The following PKHD1 variants were observed in gnomAD, a reference collection of about 807,000 sequenced individuals.
PKHD1 encodes fibrocystin.
A neutral mutation model predicts 412.0 loss-of-function variants in PKHD1; 291 were observed. The observed-to-expected ratio is 0.71, with a 90% CI of 0.64 to 0.78. The LOEUF (loss-of-function observed/expected upper bound fraction) is 0.78, where lower values mean the gene tolerates loss of function less well. Among genes scored for constraint, PKHD1 ranks in the 30% least tolerant of loss-of-function variants. The pLI, the probability that PKHD1 is intolerant of heterozygous loss-of-function variation, is 0.00. For synonymous variants in PKHD1, 1,777 were observed against 1,821.5 expected, an observed-to-expected ratio of 0.98 and a Z score of 0.62; for missense variants, 4,825 against 4,950.7, an observed-to-expected ratio of 0.97 and a Z score of 0.76.
chr6:51,744,670 A>C (rs1784973547), intron 59 of PKHD1, 128 bp from the exon 60 acceptor site: 2 of 716,958 alleles, frequency 2.8e-6, no homozygotes, highest in African/African-American at 1.8e-5. Flanking sequence ...TGTGTTACAT[A>C]GATATAAAAT....
chr6:51,734,670 C>T (rs894769057), intron 60 of PKHD1, among the ~76,000 whole-genome samples: 5 of 151,650 alleles, frequency 3.3e-5, no homozygotes, highest in East Asian at 1.9e-4. Context: ...ATCAAAAATC[C>T]GCTGATCAGA....
At chr6:51,688,946 C>A (rs900706789) in intron 60 of PKHD1, among the ~76,000 whole-genome samples, 7 of 152,172 alleles carry the variant, frequency 4.6e-5, no homozygotes, top group African/African-American at 1.7e-4. Flanking sequence ...AACATTTCTA[C>A]TGAAACAATT....
intron 37 of PKHD1, among the ~76,000 whole-genome samples, chr6:51,914,442 T>C (rs956106087): frequency 1.3e-5 from 2 of 152,132 alleles, no homozygotes; most frequent in Non-Finnish European, 2.9e-5. Context: ...TAATGAGTGT[T>C]GGCCTCATAT....
chr6:51,832,736 G>T (rs940628164), intron 51 of PKHD1, among the ~76,000 whole-genome samples: 2 of 152,076 alleles, frequency 1.3e-5, no homozygotes, highest in African/African-American at 4.8e-5. Context: ...AGGATTTCAA[G>T]GTGACAAGGG....
intron 52 of PKHD1, among the ~76,000 whole-genome samples, chr6:51,830,015 T>C (rs1419379088): frequency 6.6e-6 from 1 of 152,184 alleles, no homozygotes; most frequent in African/African-American, 2.4e-5. Context: ...AGTTGGTACA[T>C]GGAAAACAGT....
intron 53 of PKHD1, among the ~76,000 whole-genome samples, chr6:51,782,054 T>G (rs926172492): frequency 5.0e-5 from 7 of 140,546 alleles, no homozygotes; most frequent in African/African-American, 1.8e-4. Flanking sequence ...TAAATTTATA[T>G]GATTAATTAT....
At chr6:51,798,642 G>A (rs569189733) in intron 52 of PKHD1, among the ~76,000 whole-genome samples, 14 of 152,186 alleles carry the variant, frequency 9.2e-5, no homozygotes, top group East Asian at 7.8e-4. Flanking sequence ...GGGGTTCTCC[G>A]CATTTCCTGA....
At chr6:51,634,422 C>CAG (rs1768280297) in intron 64 of PKHD1, among the ~76,000 whole-genome samples, 1 of 152,154 alleles carries the variant, frequency 6.6e-6, no homozygotes, top group African/African-American at 2.4e-5. Context: ...CAATCAGGCA[C>CAG]AGAGATGGGG....
At chr6:51,801,619 A>G (rs1015150219) in intron 52 of PKHD1, among the ~76,000 whole-genome samples, 3 of 65,468 alleles carry the variant, frequency 4.6e-5, no homozygotes, top group Non-Finnish European at 7.1e-5. Context: ...ACCCTGAAGA[A>G]AAACCATCTG....
At chr6:51,905,565 T>C (rs894638534) in intron 41 of PKHD1, among the ~76,000 whole-genome samples, 10 of 151,542 alleles carry the variant, frequency 6.6e-5, no homozygotes, top group African/African-American at 2.4e-4. Context: ...GTCACTAGAG[T>C]ATGGAGAAAG....
intron 50 of PKHD1, among the ~76,000 whole-genome samples, chr6:51,845,451 G>A (rs1178861945): frequency 6.6e-6 from 1 of 152,128 alleles, no homozygotes; most frequent in Non-Finnish European, 1.5e-5. Flanking sequence ...ATCCTACGGG[G>A]AATCCCTTCA....
chr6:51,870,756 A>G, intron 46 of PKHD1, 117 bp from the exon 47 acceptor site: 1 of 761,428 alleles, frequency 1.3e-6, no homozygotes, highest in Admixed American at 2.4e-5. Context: ...ACTAAGAGAA[A>G]ATATTTGCCA....
chr6:51,787,128 A>C (rs1272697018), intron 53 of PKHD1, among the ~76,000 whole-genome samples: 3 of 152,200 alleles, frequency 2.0e-5, no homozygotes, highest in East Asian at 1.9e-4. Context: ...TGGGAGGCCA[A>C]GGCAGGCGGA....
chr6:52,065,035 A>G lies in PKHD1; in HGVS notation c.896T>C (p.Ile299Thr). The change falls in exon 13 of 67, where the codon ATT becomes ACT. Residue 299 changes from isoleucine (I) to threonine (T), a missense_variant. Transcript: ENST00000371117. ...AATCTTCCTGGGAGACACGTGTCTA[A>G]TATCACATGGAATGCCTAAAGCGAA... is the stretch of plus-strand genomic sequence containing the variant. ...QVTIAGIPCD[I>T]RHVSPRKIEC... 4 of 1,591,328 alleles carry G rather than the reference A, an allele frequency of 2.5e-6. No individual in the cohort carries two copies. Among genetic ancestry groups the G allele is most frequent in the Non-Finnish European group, 3.4e-6 (4 of 1,168,486 alleles).
rs769773637 is a variant in PKHD1, at chr6:51,659,570, A to G, written c.10556T>C (p.Leu3519Pro). The G allele has an allele frequency of 2.0e-5, 32 of 1,613,664 alleles. No individual in the cohort carries two copies. In the Admixed American group the frequency reaches 3.5e-4, roughly 18 times the overall value. The part of the protein sequence containing the change: ...FLGESFIPPT[L>P]VQSASLLLNE... ...CAGCAATAAGGAAGCTGACTGAACC[A>G]GAGTGGGTGGAATAAAACTTTCCCC... The change falls in exon 61 of 67, where the codon CTG (leucine) becomes CCG (proline). Residue 3519 changes from leucine to proline, a missense_variant. By Grantham distance (98) the Leu-to-Pro change is moderately conservative. Transcript: ENST00000371117.
rs1335068981 is a variant in PKHD1, at chr6:51,867,978, G to A, written c.7618C>T (p.Leu2540Phe). 6.2e-7 allele frequency: 1 copy of A among 1,613,488 alleles called. No homozygotes were observed. The highest frequency in any genetic ancestry group is 1.7e-5 in the Admixed American group (1 of 59,960). ...GCTGAAAGGGTTTCCATAGAAGCAA[G>A]AATGTGACTTCTGTTTTTCCCAGAC... ...SLSGKNRSHI[L>F]ASMETLSASC... Residue 2540 changes from leucine (L) to phenylalanine (F), a missense_variant, in exon 48 of 67, where the codon CTT (leucine) becomes TTT (phenylalanine). Coordinates refer to ENST00000371117, the MANE Select transcript of PKHD1 (RefSeq NM_138694.4).
intron 49 of PKHD1, among the ~76,000 whole-genome samples, chr6:51,848,698 A>G (rs890220743): frequency 1.3e-5 from 2 of 152,178 alleles, no homozygotes; most frequent in South Asian, 2.1e-4. Context: ...CATGGAGAGA[A>G]GATCAAAAGT....
rs539978054 is a variant in PKHD1, at chr6:51,678,351, A to G, written c.10157-18382T>C. ...AGTGAGAGAAAAACACATGTTAATA[A>G]ATACAAGCTGTTACATTCCTATAAT... On this transcript the variant is annotated intron_variant, in intron 60 of 66. Transcript: ENST00000371117. Among the ~76,000 whole-genome samples, 11 of 152,298 alleles carry G rather than the reference A, an allele frequency of 7.2e-5. No individual in the cohort carries two copies. The South Asian group carries it at 2.3e-3, about 32-fold the overall frequency.
Position 52,079,995 on chromosome 6 carries a change from C to T in PKHD1, c.295G>A (p.Glu99Lys). The change falls in exon 5 of 67, where the codon GAA becomes AAA. Residue 99 changes from glutamate (E) to lysine (K), a missense_variant. By Grantham distance (56) the Glu-to-Lys change is moderately conservative. Transcript: ENST00000371117. ...AGGAAGTACAGACCCTCATGTGCTT[C>T]AGACAGCACAGATCTGAGGACAGAA... The part of the protein sequence containing the change: ...VTCRTRSVLS[E>K]AHEGLYFLEA... The T allele has an allele frequency of 6.3e-7, 1 of 1,592,430 alleles. No homozygotes were observed. The highest frequency in any genetic ancestry group is 2.2e-5 in the East Asian group (1 of 44,798).
Sources: allele counts gnomAD v4.1 joint callset (sites outside exome capture counted in the v4.1 genomes callset), GRCh38; gene constraint gnomAD v4.1.1; transcripts MANE v1.5; gene names NCBI Gene and HGNC (gene_info 2026-07-23, HGNC 2026-07-21).